The following LRP1B variants were observed in gnomAD, a reference collection of about 807,000 sequenced individuals.
LRP1B encodes the protein low-density lipoprotein receptor-related protein 1B.
A neutral mutation model predicts 556.6 loss-of-function variants in LRP1B; 217 were observed. The observed-to-expected ratio is 0.39, with a 90% CI of 0.35 to 0.44. LRP1B has a LOEUF of 0.44. Ranked by LOEUF, LRP1B falls within the 20% of genes least tolerant of loss-of-function variation. The probability of loss-of-function intolerance (pLI) is 1.00; values close to 1 mark genes in which losing one functional copy is unlikely to be tolerated. For synonymous variants in LRP1B, 2,047 were observed against 1,865.8 expected (o/e 1.10, Z -2.50); for missense variants, 5,053 against 5,620.8 (o/e 0.90, Z 3.23).
At chr2:141,692,533 G>A (rs943807735) in intron 2 of LRP1B, among the ~76,000 whole-genome samples, 2 of 151,870 alleles carry the variant, frequency 1.3e-5, no homozygotes, top group African/African-American at 4.8e-5. Context: ...CTTCATCCAG[G>A]GACTGGCTTA....
At chr2:141,722,580 G>T (rs892552030) in intron 2 of LRP1B, among the ~76,000 whole-genome samples, 2 of 152,088 alleles carry the variant, frequency 1.3e-5, no homozygotes, top group Non-Finnish European at 2.9e-5. Flanking sequence ...ATAAAACTAT[G>T]TAAATAATGT....
intron 20 of LRP1B, among the ~76,000 whole-genome samples, chr2:140,933,294 C>G (rs10928079): frequency 6.6e-6 from 1 of 151,934 alleles, no homozygotes; most frequent in Non-Finnish European, 1.5e-5. Context: ...ATACCAACTA[C>G]TTCTCAAAGA....
intron 11 of LRP1B, among the ~76,000 whole-genome samples, chr2:141,027,455 G>A (rs1458732745): frequency 6.6e-6 from 1 of 152,004 alleles, no homozygotes; most frequent in Non-Finnish European, 1.5e-5. Flanking sequence ...GACTAACAAT[G>A]TAGAGATTTA....
At chr2:142,016,903 CATATATGTATATATGTATATGTATGT>C (rs1260427439) in intron 1 of LRP1B, among the ~76,000 whole-genome samples, 3 of 149,234 alleles carry the variant, frequency 2.0e-5, no homozygotes, top group Admixed American at 6.7e-5. Flanking sequence ...TATACACACA[CATATATGTATATATGTATATGTATGT>C]ATATATGTAT....
At chr2:142,046,375 G>A (rs934635356) in intron 1 of LRP1B, among the ~76,000 whole-genome samples, 1 of 151,932 alleles carries the variant, frequency 6.6e-6, no homozygotes, top group African/African-American at 2.4e-5. Context: ...AAACATTATA[G>A]TGCAAGAACT....
chr2:140,455,533 G>A (rs1014946293), intron 62 of LRP1B, among the ~76,000 whole-genome samples: 1 of 152,108 alleles, frequency 6.6e-6, no homozygotes, highest in African/African-American at 2.4e-5. Flanking sequence ...AATCACAAAA[G>A]CTCTGGCTTC....
At chr2:141,115,370 A>G (rs1471026602) in intron 7 of LRP1B, among the ~76,000 whole-genome samples, 1 of 151,700 alleles carries the variant, frequency 6.6e-6, no homozygotes, top group African/African-American at 2.4e-5. Flanking sequence ...ACTGCTACTA[A>G]TTTTCTGAGG....
At chr2:140,632,689 G>C (rs1683929010) in intron 41 of LRP1B, among the ~76,000 whole-genome samples, 1 of 152,116 alleles carries the variant, frequency 6.6e-6, no homozygotes, top group Non-Finnish European at 1.5e-5. Context: ...CAATGGTTTA[G>C]ATACACCAAT....
chr2:141,631,142 A>C (rs1383148974), intron 2 of LRP1B, among the ~76,000 whole-genome samples: 1 of 152,136 alleles, frequency 6.6e-6, no homozygotes, highest in Non-Finnish European at 1.5e-5. Flanking sequence ...CCTTCTTTAC[A>C]TGATGGGAGG....
rs74705140 is a variant in LRP1B, at chr2:140,829,206, T to C, written c.5209+10785A>G. Among the ~76,000 whole-genome samples, 1,308 of 152,202 alleles carry C rather than the reference T, an allele frequency of 8.6e-3. 22 individuals carry two copies. Among genetic ancestry groups the C allele is most frequent in the African/African-American group, 0.03 (1,230 of 41,544 alleles). ...AATGGAGGAATTTAACACCTCACTC[T>C]CAGTAATTGACAGATCATTGAGATG... On this transcript the variant is annotated intron_variant, in intron 31 of 90. Coordinates refer to ENST00000389484, the MANE Select transcript of LRP1B (RefSeq NM_018557.3).
chr2:140,685,113 C>T (rs1686003115), intron 41 of LRP1B, among the ~76,000 whole-genome samples: 2 of 152,160 alleles, frequency 1.3e-5, no homozygotes, highest in South Asian at 4.1e-4. Context: ...AATCCTAACT[C>T]CTTCTCATTT....
At chr2:141,494,275 A>G (rs1322611211) in intron 2 of LRP1B, among the ~76,000 whole-genome samples, 1 of 152,076 alleles carries the variant, frequency 6.6e-6, no homozygotes, top group Non-Finnish European at 1.5e-5. Flanking sequence ...CCACCCATAT[A>G]TCCTCTTTGT....
chr2:142,074,890 C>A (rs919763546), intron 1 of LRP1B, among the ~76,000 whole-genome samples: 2 of 152,016 alleles, frequency 1.3e-5, no homozygotes, highest in African/African-American at 4.8e-5. Flanking sequence ...ATCTTTCCTC[C>A]CACATACTGT....
intron 83 of LRP1B, among the ~76,000 whole-genome samples, chr2:140,312,138 C>T (rs1684330250): frequency 6.6e-6 from 1 of 151,886 alleles, no homozygotes; most frequent in Admixed American, 6.6e-5. Flanking sequence ...CAGCTTCTGC[C>T]TTCTTGTTGT....
chr2:141,880,268 C>A (rs1011247122), intron 1 of LRP1B, among the ~76,000 whole-genome samples: 15 of 151,382 alleles, frequency 9.9e-5, no homozygotes, highest in Non-Finnish European at 1.6e-4. Flanking sequence ...CTCCTCACAG[C>A]TTTGGGCAAA....
chr2:141,334,968 T>C (rs1222871649), intron 3 of LRP1B, among the ~76,000 whole-genome samples: 1 of 152,214 alleles, frequency 6.6e-6, no homozygotes, highest in Non-Finnish European at 1.5e-5. Context: ...ATTCAATAGC[T>C]TTCTATCATA....
chr2:140,417,677 C>G (rs1442018277), intron 66 of LRP1B, among the ~76,000 whole-genome samples: 1 of 152,152 alleles, frequency 6.6e-6, no homozygotes. Flanking sequence ...GCTGCCATGA[C>G]TGCACGGCTT....
At chr2:141,139,128 A>AG (rs1701566591) in intron 7 of LRP1B, among the ~76,000 whole-genome samples, 1 of 151,896 alleles carries the variant, frequency 6.6e-6, no homozygotes, top group African/African-American at 2.4e-5. Flanking sequence ...TGGTGCTGGA[A>AG]AAATTAGACA....
chr2:140,401,576 C>T lies in LRP1B; in HGVS notation c.10415-15567G>A, dbSNP rs141700287. On this transcript the variant is annotated intron_variant, in intron 66 of 90. Transcript: ENST00000389484. The stretch of plus-strand genomic sequence containing the variant: ...ATAGGCCCTGCCTGGCTATGCATCT[C>T]CACCTGCCCTGGTAGCTTAACACAA... 9.8e-5 allele frequency among the ~76,000 whole-genome samples: 15 copies of T among 152,302 alleles called. No individual in the cohort carries two copies. In the East Asian group the frequency reaches 2.9e-3, roughly 29 times the overall value.
Sources: gnomAD v4.1 joint callset for allele counts (sites outside exome capture counted in the v4.1 genomes callset) on GRCh38, gnomAD v4.1.1 for gene constraint, MANE v1.5 for transcripts, NCBI Gene and HGNC (gene_info 2026-07-23, HGNC 2026-07-21) for gene names.